Variants in ENTPD1 observed in about 807,000 individuals in gnomAD.
ENTPD1 encodes the protein ectonucleoside triphosphate diphosphohydrolase 1, also known as ATP diphosphohydrolase.
A neutral mutation model predicts 57.0 loss-of-function variants in ENTPD1; 33 were observed. That is an observed-to-expected ratio of 0.58 (90% CI 0.44 to 0.77). ENTPD1 has a LOEUF of 0.77. ENTPD1 is among the 30% of genes least tolerant of loss of function. The probability of loss-of-function intolerance (pLI) is 0.00; values close to 1 mark genes in which losing one functional copy is unlikely to be tolerated. For synonymous variants in ENTPD1, 202 were observed against 218.8 expected, an observed-to-expected ratio of 0.92 and a Z score of 0.68; for missense variants, 501 against 603.4, an observed-to-expected ratio of 0.83 and a Z score of 1.78.
At chr10:95,817,923 T>C (rs1276727122) in intron 1 of ENTPD1, among the ~76,000 whole-genome samples, 1 of 152,220 alleles carries the variant, frequency 6.6e-6, no homozygotes, top group African/African-American at 2.4e-5. Flanking sequence ...AATAATGTGT[T>C]CAATAAGTAA....
chr10:95,780,072 C>T (rs1259615955), intron 1 of ENTPD1, among the ~76,000 whole-genome samples: 2 of 152,106 alleles, frequency 1.3e-5, no homozygotes, highest in African/African-American at 4.8e-5. Context: ...GTATTTTATG[C>T]CAATTATAGC....
intron 1 of ENTPD1, among the ~76,000 whole-genome samples, chr10:95,811,350 C>T (rs1310991827): frequency 1.3e-5 from 2 of 152,312 alleles, no homozygotes; most frequent in East Asian, 3.9e-4. Flanking sequence ...CAACATTAAA[C>T]CACCAGCGCA....
chr10:95,736,611 C>T (rs2861147), intron 1 of ENTPD1, among the ~76,000 whole-genome samples: 76,762 of 151,836 alleles, frequency 0.51, 19,914 homozygotes, highest in Admixed American at 0.6. Context: ...GATGGTTGCA[C>T]GCACACCCCT....
chr10:95,746,317 T>C (rs1433986443), intron 1 of ENTPD1, among the ~76,000 whole-genome samples: 1 of 152,116 alleles, frequency 6.6e-6, no homozygotes, highest in Non-Finnish European at 1.5e-5. Context: ...CAACATGGCT[T>C]TGTGAAGTAG....
chr10:95,704,708 C>A, the ENTPD1 span, among the ~76,000 whole-genome samples: 33 of 151,916 alleles, frequency 2.2e-4, no homozygotes, highest in African/African-American at 7.3e-4. Flanking sequence ...ATAATACGAT[C>A]CTGAGGTAGG....
At chr10:95,699,237 A>T in the ENTPD1 span, among the ~76,000 whole-genome samples, 3 of 152,238 alleles carry the variant, frequency 2.0e-5, no homozygotes, top group African/African-American at 7.2e-5. Context: ...AAATATAATT[A>T]ACATTTATAG....
rs1168527445 is a variant in ENTPD1, at chr10:95,847,518, C to A, written c.886C>A (p.Leu296Ile). 3 of 1,614,020 alleles carry A rather than the reference C, an allele frequency of 1.9e-6. No homozygotes were observed. Among genetic ancestry groups the A allele is most frequent in the Non-Finnish European group, 2.5e-6 (3 of 1,180,026 alleles). The part of the protein sequence containing the change: ...GYKKVVNVSD[L>I]YKTPCTKRFE... ...TAAGAAGGTAGTGAACGTAAGTGACCTTTACAAGACCCCCTGCACCAAGAG... is the reference window on the plus strand; with the variant it reads ...TAAGAAGGTAGTGAACGTAAGTGACATTTACAAGACCCCCTGCACCAAGAG... The change falls in exon 7 of 10, where the codon CTT becomes ATT. Residue 296 changes from leucine to isoleucine, a missense_variant. Transcript: ENST00000371205.
At chr10:95,713,364 T>C (rs2097968006) in intron 1 of ENTPD1, among the ~76,000 whole-genome samples, 1 of 152,230 alleles carries the variant, frequency 6.6e-6, no homozygotes, top group Non-Finnish European at 1.5e-5. Flanking sequence ...TTCTAAACAA[T>C]TGTCTTACTT....
chr10:95,755,890 A>G, upstream of ENTPD1: 3 of 1,521,456 alleles, frequency 2.0e-6, no homozygotes, highest in Middle Eastern at 3.4e-4. Flanking sequence ...GGAGAGAGAG[A>G]TGAAGAGGGA....
At position 95,757,808 on chromosome 10, in the gene ENTPD1, C is replaced by T. The variant is rs574809067; in HGVS notation, c.16+1553C>T. On this transcript the variant is annotated intron_variant, in intron 1 of 9. Transcript: ENST00000371205. Reference sequence around the variant, plus strand: ...TCACCTGAGGTCAGGAGTTCGAGACCGGCCTGGCCAACATGATGAAACCCT... The same window carrying T: ...TCACCTGAGGTCAGGAGTTCGAGACTGGCCTGGCCAACATGATGAAACCCT... 4.0e-5 allele frequency among the ~76,000 whole-genome samples: 6 copies of T among 151,724 alleles called. No homozygotes were observed. In the South Asian group the frequency reaches 6.3e-4, roughly 16 times the overall value.
chr10:95,719,261 CAT>C (rs1265594467), intron 1 of ENTPD1, among the ~76,000 whole-genome samples: 1 of 152,148 alleles, frequency 6.6e-6, no homozygotes, highest in East Asian at 1.9e-4. Context: ...TTTTCTGTGA[CAT>C]ATAAAGAAAA....
At chr10:95,700,516 G>A in the ENTPD1 span, among the ~76,000 whole-genome samples, 1 of 151,886 alleles carries the variant, frequency 6.6e-6, no homozygotes, top group Non-Finnish European at 1.5e-5. Context: ...GTGAGACTCC[G>A]TTCCTACAAG....
Position 95,876,869 on chromosome 10 carries a change from G to A in ENTPD1, c.*10486G>A, listed in dbSNP as rs552369907. On this transcript the variant is annotated 3_prime_UTR_variant, in exon 10 of 10. Coordinates refer to ENST00000371205, the MANE Select transcript of ENTPD1 (RefSeq NM_001776.6). ...TGAAGAGCACTGCGCTATAATAAAA[G>A]AAGAAATGAGCACATACATTCTTTT... Among the ~76,000 whole-genome samples the A allele has an allele frequency of 6.6e-6, 1 of 152,296 alleles. No individual in the cohort carries two copies. Among genetic ancestry groups the A allele is most frequent in the East Asian group, 1.9e-4 (1 of 5,188 alleles).
intron 1 of ENTPD1, among the ~76,000 whole-genome samples, chr10:95,812,481 T>A (rs2098312238): frequency 6.6e-6 from 1 of 152,230 alleles, no homozygotes; most frequent in Admixed American, 6.5e-5. Flanking sequence ...TTTGTATACA[T>A]TTGCCAGTTG....
In ENTPD1 at chr10:95,872,907, T is replaced by C. The variant is rs2098482073; in HGVS notation, c.*6524T>C. 1 of 985,468 alleles carries C rather than the reference T, an allele frequency of 1.0e-6. No homozygotes were observed. The highest frequency in any genetic ancestry group is 1.7e-5 in the African/African-American group (1 of 57,378). 61.0% of individuals were successfully genotyped at this position (985,468 alleles called of 1,614,324 possible). Reference sequence around the variant, plus strand: ...GAACTTTTCCTTTTTGGAACATGCCTTTAGTTTCTGTGTAGTTTGCCATGC... The same window carrying C: ...GAACTTTTCCTTTTTGGAACATGCCCTTAGTTTCTGTGTAGTTTGCCATGC... On this transcript the variant is annotated 3_prime_UTR_variant, in exon 10 of 10. Transcript: ENST00000371205.
chr10:95,866,195 G>A lies in ENTPD1; in HGVS notation c.1345G>A (p.Gly449Ser), dbSNP rs761374158. The change falls in exon 10 of 10, where the codon GGC (glycine) becomes AGC (serine). Residue 449 changes from glycine (G) to serine (S), a missense_variant. Transcript: ENST00000371205. ...TTTGCAGATCCAGGGCAGCGACGCC[G>A]GCTGGACTTTGGGCTACATGCTGAA... ...FIGKIQGSDA[G>S]WTLGYMLNLT... 3.8e-5 allele frequency: 61 copies of A among 1,613,762 alleles called. 1 individual carries two copies. In the South Asian group the frequency reaches 4.3e-4, roughly 11 times the overall value.
chr10:95,751,395 G>A (rs1301643479), upstream of ENTPD1, among the ~76,000 whole-genome samples: 1 of 152,186 alleles, frequency 6.6e-6, no homozygotes, highest in Non-Finnish European at 1.5e-5. Flanking sequence ...AGGTTGCTGG[G>A]TTGTGTGACT....
intron 1 of ENTPD1, among the ~76,000 whole-genome samples, chr10:95,742,335 C>T (rs537388549): frequency 1.3e-5 from 2 of 151,940 alleles, no homozygotes; most frequent in African/African-American, 2.4e-5. Flanking sequence ...AAGGGTAACC[C>T]CGTCTGGAGA....
At chr10:95,858,211 G>A (rs1274106427) in intron 7 of ENTPD1, among the ~76,000 whole-genome samples, 1 of 151,556 alleles carries the variant, frequency 6.6e-6, no homozygotes, top group East Asian at 1.9e-4. Context: ...TGTGAAAGCA[G>A]ATAACAGAGG....
Sources: gnomAD v4.1 joint callset for allele counts (sites outside exome capture counted in the v4.1 genomes callset) on GRCh38, gnomAD v4.1.1 for gene constraint, MANE v1.5 for transcripts, NCBI Gene and HGNC (gene_info 2026-07-23, HGNC 2026-07-21) for gene names.